The following C2CD3 variants were observed in gnomAD, a reference collection of about 807,000 sequenced individuals.
The protein encoded by C2CD3 is C2 domain-containing protein 3.
C2CD3 carries 148 observed loss-of-function variants against 234.0 expected under a neutral mutation model. That is an observed-to-expected ratio of 0.63 (90% CI 0.55 to 0.72). C2CD3 has a LOEUF of 0.72. Among genes scored for constraint, C2CD3 ranks in the 30% least tolerant of loss-of-function variants. C2CD3 has a pLI of 0.00. For synonymous variants in C2CD3, 1,000 were observed against 1,035.4 expected, an observed-to-expected ratio of 0.97 and a Z score of 0.66; for missense variants, 2,577 against 2,811.5, an observed-to-expected ratio of 0.92 and a Z score of 1.89.
chr11:74,108,268 C>T (rs1023620132), intron 12 of C2CD3: 1 of 151,626 alleles, frequency 6.6e-6, no homozygotes, highest in Non-Finnish European at 1.5e-5. Flanking sequence ...AATGATGTGC[C>T]TTTCCCACCA....
At chr11:74,087,741 T>G (rs1003604413) in intron 20 of C2CD3, among the ~76,000 whole-genome samples, 4 of 152,204 alleles carry the variant, frequency 2.6e-5, no homozygotes, top group Admixed American at 6.5e-5. Context: ...AATTCACTCA[T>G]TCAGTCGTTA....
In C2CD3 at chr11:74,054,507, GAAAAAAAA is replaced by G. The variant is rs869085401; in HGVS notation, c.5155+92_5155+99del. ...TGTCGGGAATGCTTCACTTGGTTTGGAAAAAAAAAAAAAAAAAAAAAAAAAGGAATGGT... is the reference window on the plus strand; with the variant it reads ...TGTCGGGAATGCTTCACTTGGTTTGGAAAAAAAAAAAAAAAAAGGAATGGT... On this transcript the variant is annotated intron_variant, in intron 26 of 32. Transcript: ENST00000334126. 2,046 of 275,584 alleles carry G rather than the reference GAAAAAAAA, an allele frequency of 7.4e-3. 42 individuals are homozygous for G. The highest frequency in any genetic ancestry group is 0.064 in the African/African-American group (1,844 of 28,650). The allele number at this position is 275,584 out of a possible 1,614,324, so 17.1% of individuals were successfully genotyped here.
chr11:74,093,756 G>C (rs1273856256), intron 18 of C2CD3, 60 bp downstream of exon 18: 107 of 1,375,102 alleles, frequency 7.8e-5, no homozygotes, highest in Non-Finnish European at 1.0e-4. Context: ...GTTAGGAGTA[G>C]GATGCTTTAT....
At chr11:74,144,268 T>C (rs1022184785) in intron 3 of C2CD3, among the ~76,000 whole-genome samples, 4 of 152,138 alleles carry the variant, frequency 2.6e-5, no homozygotes, top group African/African-American at 4.8e-5. Flanking sequence ...TCAGGGTATA[T>C]AGATTGCTCC....
chr11:74,140,613 A>G (rs1205219373), intron 3 of C2CD3, among the ~76,000 whole-genome samples: 1 of 152,194 alleles, frequency 6.6e-6, no homozygotes, highest in African/African-American at 2.4e-5. Context: ...CATCCTGATT[A>G]GATTATGCAT....
intron 26 of C2CD3, among the ~76,000 whole-genome samples, chr11:74,054,248 G>C (rs921862124): frequency 8.1e-5 from 12 of 147,700 alleles, no homozygotes; most frequent in African/African-American, 3.0e-4. Flanking sequence ...CTCCAGCCTG[G>C]GCAACACAGC....
intron 22 of C2CD3, among the ~76,000 whole-genome samples, chr11:74,082,892 A>T (rs2135471822): frequency 6.6e-6 from 1 of 152,350 alleles, no homozygotes; most frequent in South Asian, 2.1e-4. Flanking sequence ...ATTCAATGCC[A>T]TCCCCATCAA....
chr11:74,015,147 A>C (rs1591249144), intron 32 of C2CD3, among the ~76,000 whole-genome samples: 1 of 152,134 alleles, frequency 6.6e-6, no homozygotes, highest in Non-Finnish European at 1.5e-5. Flanking sequence ...CCACTTCCAC[A>C]CTGGGTGCTC....
At chr11:74,113,622 G>T in intron 11 of C2CD3, 158 bp downstream of exon 11, 1 of 643,074 alleles carries the variant, frequency 1.6e-6, no homozygotes, top group Non-Finnish European at 2.8e-6. Context: ...GGAGGCTGCA[G>T]TGAGCAGAGA....
intron 28 of C2CD3, among the ~76,000 whole-genome samples, chr11:74,045,597 G>C (rs551897272): frequency 6.7e-4 from 102 of 151,684 alleles, no homozygotes; most frequent in Non-Finnish European, 1.3e-3. Flanking sequence ...TGGCAGACAG[G>C]GTCTTACTCT....
intron 1 of C2CD3, among the ~76,000 whole-genome samples, chr11:74,169,380 TA>T (rs1319396820): frequency 1.3e-5 from 2 of 152,248 alleles, no homozygotes; most frequent in Non-Finnish European, 2.9e-5. Context: ...CTTTCATTCA[TA>T]GTACCTTTTC....
chr11:74,094,146 A>G, intron 17 of C2CD3, 147 bp from the exon 18 acceptor site: 2 of 527,224 alleles, frequency 3.8e-6, no homozygotes, highest in Admixed American at 3.9e-5. Flanking sequence ...AGAAAAAGAT[A>G]CCTTGCTGGT....
intron 8 of C2CD3, among the ~76,000 whole-genome samples, chr11:74,120,126 C>T (rs545950435): frequency 6.6e-6 from 1 of 150,994 alleles, no homozygotes; most frequent in Non-Finnish European, 1.5e-5. Context: ...AAGATTACTT[C>T]CTTTTTTTTT....
chr11:74,133,235 C>T (rs1358403049), intron 6 of C2CD3, among the ~76,000 whole-genome samples, 190 bp downstream of exon 6: 1 of 152,192 alleles, frequency 6.6e-6, no homozygotes, highest in Non-Finnish European at 1.5e-5. Flanking sequence ...CCCATTTACA[C>T]ATGCTGCCAG....
At chr11:74,135,470 A>T (rs1319007295) in intron 5 of C2CD3, among the ~76,000 whole-genome samples, 4 of 152,138 alleles carry the variant, frequency 2.6e-5, no homozygotes, top group Non-Finnish European at 5.9e-5. Context: ...AGACAGGAAG[A>T]TTATCTTGGT....
At chr11:74,022,780 C>T (rs554351011) in intron 32 of C2CD3, among the ~76,000 whole-genome samples, 4 of 152,318 alleles carry the variant, frequency 2.6e-5, no homozygotes, top group Admixed American at 6.5e-5. Flanking sequence ...GCAGGGGCAG[C>T]GGAACTTGAT....
intron 29 of C2CD3, among the ~76,000 whole-genome samples, chr11:74,041,593 G>A (rs1953062339): frequency 6.6e-6 from 1 of 152,172 alleles, no homozygotes; most frequent in Non-Finnish European, 1.5e-5. Flanking sequence ...CCTTTCCACT[G>A]TGCCACACTT....
chr11:74,121,944 C>T (rs774838203), intron 8 of C2CD3, among the ~76,000 whole-genome samples: 4 of 152,172 alleles, frequency 2.6e-5, no homozygotes, highest in Non-Finnish European at 5.9e-5. Flanking sequence ...TCATGCTTCC[C>T]GTAGCCCAGT....
In C2CD3 at chr11:74,114,445, T is replaced by C. The variant is rs1956857010; in HGVS notation, c.1669A>G (p.Met557Val). 6.2e-7 allele frequency: 1 copy of C among 1,614,148 alleles called. No individual in the cohort carries two copies. The highest frequency in any genetic ancestry group is 8.5e-7 in the Non-Finnish European group (1 of 1,180,002). The change falls in exon 10 of 33, where the codon ATG (methionine) becomes GTG (valine). Residue 557 changes from methionine to valine, a missense_variant. Met to Val is a conservative substitution (Grantham distance 21). Coordinates refer to ENST00000334126, the MANE Select transcript of C2CD3 (RefSeq NM_001286577.2). Reference protein sequence around the residue: ...TMGVPPDSPQMTPGKKSYAGP... With the variant: ...TMGVPPDSPQVTPGKKSYAGP... ...GCATAGCTTTTTTTGCCAGGGGTCA[T>C]CTGAGGACTATCTGGAGGAACTCCC...
Sources: allele counts gnomAD v4.1 joint callset (sites outside exome capture counted in the v4.1 genomes callset), GRCh38; gene constraint gnomAD v4.1.1; transcripts MANE v1.5; gene names NCBI Gene and HGNC (gene_info 2026-07-23, HGNC 2026-07-21).